PLCE1: variants seen among roughly 807,000 people sequenced by gnomAD.
PLCE1 encodes the protein 1-phosphatidylinositol 4,5-bisphosphate phosphodiesterase epsilon-1.
A neutral mutation model predicts 242.8 loss-of-function variants in PLCE1; 119 were observed. The observed-to-expected ratio is 0.49, with a 90% CI of 0.42 to 0.57. PLCE1 has a LOEUF of 0.57. Ranked by LOEUF, PLCE1 falls within the 20% of genes least tolerant of loss-of-function variation. The pLI, the probability that PLCE1 is intolerant of heterozygous loss-of-function variation, is 0.00. For missense variants in PLCE1, 2,441 were observed against 2,788.8 expected, an observed-to-expected ratio of 0.88 and a Z score of 2.81; for synonymous variants, 945 against 1,017.4, an observed-to-expected ratio of 0.93 and a Z score of 1.35.
At chr10:94,149,003 G>A (rs1448115885) in intron 3 of PLCE1, among the ~76,000 whole-genome samples, 2 of 152,080 alleles carry the variant, frequency 1.3e-5, no homozygotes, top group Non-Finnish European at 2.9e-5. Context: ...TAATCCCCTT[G>A]GCCCTGTTCA....
Position 94,176,690 on chromosome 10 carries a change from G to A in PLCE1, c.1809+5194G>A, listed in dbSNP as rs181845865. 5.4e-3 allele frequency among the ~76,000 whole-genome samples: 827 copies of A among 152,220 alleles called. 2 individuals carry two copies. The highest frequency in any genetic ancestry group is 9.2e-3 in the Non-Finnish European group (623 of 68,010). The stretch of plus-strand genomic sequence containing the variant: ...TGGGGGGAAGTGAATGCATTTACTC[G>A]TGCATCCATTCAGTTAATCCAGGAC... On this transcript the variant is annotated intron_variant, in intron 4 of 32. Transcript: ENST00000371380.
At chr10:94,050,516 A>G (rs1397883856) in intron 2 of PLCE1, among the ~76,000 whole-genome samples, 2 of 151,994 alleles carry the variant, frequency 1.3e-5, no homozygotes, top group African/African-American at 4.8e-5. Flanking sequence ...GCCAAACTAT[A>G]TTACTCCACT....
chr10:94,291,861 C>T (rs1422400438), intron 22 of PLCE1, among the ~76,000 whole-genome samples: 1 of 152,094 alleles, frequency 6.6e-6, no homozygotes, highest in East Asian at 1.9e-4. Flanking sequence ...TTTTTCTGGG[C>T]CCCTTCTCAC....
In PLCE1 at chr10:94,204,711, GAAAAGAAGGAAGGAAGGAAGGAAAGAAGA is replaced by G. The variant is rs2049091736; in HGVS notation, c.1810-22593_1810-22565del. ...ACACAGGAAGAAAGAAAGGAAGGAA[GAAAAGAAGGAAGGAAGGAAGGAAAGAAGA>G]AGGGAGGGAGGAAGGAAGGAAGGAA... On this transcript the variant is annotated intron_variant, in intron 4 of 32. Coordinates refer to ENST00000371380, the MANE Select transcript of PLCE1 (RefSeq NM_016341.4). Among the ~76,000 whole-genome samples, 7 of 148,108 alleles carry G rather than the reference GAAAAGAAGGAAGGAAGGAAGGAAAGAAGA, an allele frequency of 4.7e-5. No homozygotes were observed. In the Admixed American group the frequency reaches 4.8e-4, roughly 10 times the overall value.
rs1168403812 is a variant in PLCE1, at chr10:94,193,237, A to T, written c.1809+21741A>T. Reference sequence around the variant, plus strand: ...GGATAGGAGGTCATGGATCACTTGGAGACCGCCAACACAATAGCCTGCAGG... The same window carrying T: ...GGATAGGAGGTCATGGATCACTTGGTGACCGCCAACACAATAGCCTGCAGG... On this transcript the variant is annotated intron_variant, in intron 4 of 32. Transcript: ENST00000371380. Among the ~76,000 whole-genome samples, 4 of 152,296 alleles carry T rather than the reference A, an allele frequency of 2.6e-5. No individual in the cohort carries two copies. The South Asian group carries it at 8.3e-4, about 32-fold the overall frequency.
intron 3 of PLCE1, among the ~76,000 whole-genome samples, chr10:94,152,142 G>C (rs921271186): frequency 3.9e-5 from 6 of 152,046 alleles, no homozygotes; most frequent in Non-Finnish European, 8.8e-5. Context: ...AAATGCAACA[G>C]AAACAAAAAC....
At chr10:94,045,546 C>T (rs553574106) in intron 2 of PLCE1, among the ~76,000 whole-genome samples, 1 of 152,286 alleles carries the variant, frequency 6.6e-6, no homozygotes, top group East Asian at 1.9e-4. Flanking sequence ...GATGGAAGAT[C>T]CAGAACTGGA....
rs146497097 is a variant in PLCE1, at chr10:94,216,495, G to A, written c.1810-10811G>A. Among the ~76,000 whole-genome samples the A allele has an allele frequency of 1.8e-3, 271 of 152,318 alleles. 1 individual carries two copies. The highest frequency in any genetic ancestry group is 6.1e-3 in the African/African-American group (253 of 41,580). ...GTTGAAGTTCCCTGACTTAGCTGGA[G>A]TGAAGGGGCTGCAGGGAGCAGGCAG... On this transcript the variant is annotated intron_variant, in intron 4 of 32. Coordinates refer to ENST00000371380, the MANE Select transcript of PLCE1 (RefSeq NM_016341.4).
chr10:94,170,833 T>C (rs1371013157), intron 3 of PLCE1, among the ~76,000 whole-genome samples: 1 of 152,192 alleles, frequency 6.6e-6, no homozygotes, highest in Non-Finnish European at 1.5e-5. Flanking sequence ...TTCATGTCAT[T>C]CTGATGGTAG....
intron 4 of PLCE1, among the ~76,000 whole-genome samples, chr10:94,202,075 T>A (rs929581010): frequency 1.3e-5 from 2 of 152,182 alleles, no homozygotes; most frequent in Admixed American, 6.5e-5. Flanking sequence ...TGGTTGTTAT[T>A]TTGTTTTGCC....
chr10:94,158,679 TC>T (rs1030598570), intron 3 of PLCE1, among the ~76,000 whole-genome samples: 2 of 151,832 alleles, frequency 1.3e-5, no homozygotes, highest in Admixed American at 1.3e-4. Flanking sequence ...AGCTTCAGAG[TC>T]GGGGGAAAAG....
At chr10:94,032,990 A>G (rs2061590672) in intron 2 of PLCE1, among the ~76,000 whole-genome samples, 1 of 152,156 alleles carries the variant, frequency 6.6e-6, no homozygotes, top group Non-Finnish European at 1.5e-5. Flanking sequence ...CAATATAACA[A>G]TAAAAAATAA....
intron 2 of PLCE1, chr10:94,089,199 T>C (rs756036285): frequency 6.2e-7 from 1 of 1,614,024 alleles, no homozygotes; most frequent in Admixed American, 1.7e-5. Context: ...GGCACCAGGC[T>C]TGGTTTCTGT....
At chr10:94,188,294 G>A (rs560041486) in intron 4 of PLCE1, among the ~76,000 whole-genome samples, 1 of 152,224 alleles carries the variant, frequency 6.6e-6, no homozygotes, top group South Asian at 2.1e-4. Flanking sequence ...GTTCTCTGTT[G>A]CTGTATAAAA....
In PLCE1 at chr10:94,306,880, G is replaced by C. The variant is rs1401105192; in HGVS notation, c.5884+192G>C. ...GAAGTTTTTCTTTTACATTTTTTAA[G>C]AATCTGAGGTATTAACAATATCCCT... On this transcript the variant is annotated intron_variant, in intron 26 of 32. Transcript: ENST00000371380. The surrounding 1 kb of genome is among the most constrained non-coding windows in gnomAD (Gnocchi z 5.7). Among the ~76,000 whole-genome samples the C allele has an allele frequency of 6.6e-6, 1 of 152,186 alleles. No individual in the cohort carries two copies. The highest frequency in any genetic ancestry group is 1.9e-4 in the East Asian group (1 of 5,204).
intron 3 of PLCE1, among the ~76,000 whole-genome samples, chr10:94,156,994 T>C (rs1564740111): frequency 6.6e-6 from 1 of 152,048 alleles, no homozygotes; most frequent in South Asian, 2.1e-4. Context: ...AAGAACAGCC[T>C]TTTTTTGGTG....
intron 1 of PLCE1, among the ~76,000 whole-genome samples, chr10:94,020,207 G>T (rs144653456): frequency 2.0e-4 from 30 of 152,134 alleles, no homozygotes; most frequent in Non-Finnish European, 3.4e-4. Flanking sequence ...TGGGTGTGAA[G>T]TGCTATCTCA....
Position 94,045,716 on chromosome 10 carries a change from C to G in PLCE1, c.1206+13464C>G, listed in dbSNP as rs556204358. Among the ~76,000 whole-genome samples, 10 of 152,328 alleles carry G rather than the reference C, an allele frequency of 6.6e-5. No homozygotes were observed. The South Asian group carries it at 2.1e-3, about 32-fold the overall frequency. ...TCCTGGGATGCATACATTCCTGAAA[C>G]AGAGCACCAGCCCTGGAAGAGTTCA... On this transcript the variant is annotated intron_variant, in intron 2 of 32. Transcript: ENST00000371380.
intron 23 of PLCE1, among the ~76,000 whole-genome samples, chr10:94,297,213 T>C (rs2052859013): frequency 6.6e-6 from 1 of 152,028 alleles, no homozygotes; most frequent in South Asian, 2.1e-4. Context: ...CCCTTTCACT[T>C]GAACATTTAG....
Sources: allele counts gnomAD v4.1 joint callset (sites outside exome capture counted in the v4.1 genomes callset), GRCh38; gene constraint gnomAD v4.1.1; non-coding constraint Gnocchi (gnomAD v3.1); transcripts MANE v1.5; gene names NCBI Gene and HGNC (gene_info 2026-07-23, HGNC 2026-07-21).